The following NREP variants were observed in gnomAD, a reference collection of about 807,000 sequenced individuals.
NREP encodes neuronal regeneration related protein, also known as neuronal regeneration-related protein.
A neutral mutation model predicts 8.6 loss-of-function variants in NREP; 5 were observed. The observed-to-expected ratio is 0.58, with a 90% CI of 0.30 to 1.22. The LOEUF (loss-of-function observed/expected upper bound fraction) is 1.22, where lower values mean the gene tolerates loss of function less well. NREP is among the 50% of genes most tolerant of loss of function. The pLI is 0.07. For missense variants in NREP, 86 were observed against 82.5 expected, an observed-to-expected ratio of 1.04 and a Z score of -0.17; for synonymous variants, 27 against 28.0, an observed-to-expected ratio of 0.96 and a Z score of 0.11.
intron 2 of NREP, among the ~76,000 whole-genome samples, chr5:111,962,384 A>G (rs1756504572): frequency 6.6e-6 from 1 of 152,134 alleles, no homozygotes; most frequent in Admixed American, 6.5e-5. Flanking sequence ...CCAAACCCCC[A>G]TTCATCTACA....
intron 2 of NREP, among the ~76,000 whole-genome samples, chr5:111,832,396 T>A (rs922798279): frequency 1.3e-5 from 2 of 151,880 alleles, no homozygotes; most frequent in African/African-American, 4.8e-5. Context: ...TAGCTGGGGG[T>A]GGCATGAGCC....
intron 2 of NREP, among the ~76,000 whole-genome samples, chr5:111,803,095 T>C (rs944011113): frequency 6.6e-6 from 1 of 152,192 alleles, no homozygotes; most frequent in Non-Finnish European, 1.5e-5. Context: ...TTTAATATAA[T>C]GTTGGAGCAG....
intron 2 of NREP, among the ~76,000 whole-genome samples, chr5:111,850,634 A>G (rs1428940773): frequency 6.6e-6 from 1 of 151,892 alleles, no homozygotes; most frequent in Non-Finnish European, 1.5e-5. Flanking sequence ...TTCAAATGAC[A>G]GTTATATTCG....
chr5:111,757,805 G>A (rs1750830290), upstream of NREP: 3 of 971,494 alleles, frequency 3.1e-6, no homozygotes, highest in Non-Finnish European at 3.7e-6. Flanking sequence ...TCGACGTGCG[G>A]TTGCTTTTCA....
At chr5:111,841,754 G>C (rs1490640336) in intron 2 of NREP, among the ~76,000 whole-genome samples, 1 of 152,142 alleles carries the variant, frequency 6.6e-6, no homozygotes, top group Non-Finnish European at 1.5e-5. Context: ...AGAGGACTCA[G>C]TGATTTCGAA....
At chr5:111,790,085 T>C (rs897404597) in intron 2 of NREP, among the ~76,000 whole-genome samples, 3 of 152,032 alleles carry the variant, frequency 2.0e-5, no homozygotes, top group Admixed American at 6.6e-5. Context: ...ATAAAGACTA[T>C]GTTGATAGAA....
At chr5:111,922,399 C>T (rs997654540) in intron 2 of NREP, among the ~76,000 whole-genome samples, 1 of 152,128 alleles carries the variant, frequency 6.6e-6, no homozygotes, top group African/African-American at 2.4e-5. Flanking sequence ...AATACTGTTA[C>T]TACCTCAGAG....
At chr5:111,735,275 T>A (rs1212080014) in intron 3 of NREP, 155 bp downstream of exon 3, 1 of 508,048 alleles carries the variant, frequency 2.0e-6, no homozygotes, top group East Asian at 3.1e-5. Flanking sequence ...GGATATTTTT[T>A]AAAAGTACAT....
At chr5:111,779,832 C>T (rs1421259881) in intron 2 of NREP, among the ~76,000 whole-genome samples, 2 of 152,184 alleles carry the variant, frequency 1.3e-5, no homozygotes, top group Non-Finnish European at 2.9e-5. Context: ...TGAGAGAGGA[C>T]AAGAACATAG....
chr5:111,791,158 T>C (rs537019767), intron 2 of NREP, among the ~76,000 whole-genome samples: 81 of 152,356 alleles, frequency 5.3e-4, no homozygotes, highest in Non-Finnish European at 1.0e-3. Context: ...GTATGCACTG[T>C]GGAATCATTA....
In NREP at chr5:111,885,752, G is replaced by C. The variant is rs568911706; in HGVS notation, c.135+89522C>G. On this transcript the variant is annotated intron_variant, in intron 2 of 3. Coordinates refer to the NREP transcript ENST00000395634. Reference sequence around the variant, plus strand: ...TTCCCTATTTAATAAATGGTGCTGGGAAAACTGGCTAGCCATATGTAGAAA... The same window carrying C: ...TTCCCTATTTAATAAATGGTGCTGGCAAAACTGGCTAGCCATATGTAGAAA... Among the ~76,000 whole-genome samples, 297 of 152,286 alleles carry C rather than the reference G, an allele frequency of 2.0e-3. 3 individuals carry two copies. Among genetic ancestry groups the C allele is most frequent in the Non-Finnish European group, 3.0e-3 (201 of 68,022 alleles).
At chr5:111,826,335 A>G (rs547091846) in intron 2 of NREP, among the ~76,000 whole-genome samples, 3 of 152,146 alleles carry the variant, frequency 2.0e-5, no homozygotes, top group Non-Finnish European at 2.9e-5. Context: ...ACGCGTCACC[A>G]CTGGCAACCA....
At chr5:111,738,406 C>G (rs2112803955) in intron 2 of NREP, 1 of 152,306 alleles carries the variant, frequency 6.6e-6, no homozygotes, top group African/African-American at 2.4e-5. Context: ...GCCTTTCTGT[C>G]AAAAGCTGTC....
upstream of NREP, among the ~76,000 whole-genome samples, chr5:111,762,652 G>A (rs1750987659): frequency 6.6e-6 from 1 of 152,038 alleles, no homozygotes; most frequent in Admixed American, 6.5e-5. Flanking sequence ...ACCACACGAA[G>A]ATGTGGGAAG....
intron 2 of NREP, among the ~76,000 whole-genome samples, chr5:111,854,998 A>C (rs1672282284): frequency 1.3e-5 from 2 of 152,176 alleles, no homozygotes; most frequent in Admixed American, 6.5e-5. Flanking sequence ...ACCAATGTTT[A>C]TTCAGGTCAC....
intron 2 of NREP, among the ~76,000 whole-genome samples, chr5:111,773,885 C>G (rs1751295008): frequency 6.6e-6 from 1 of 152,102 alleles, no homozygotes; most frequent in African/African-American, 2.4e-5. Context: ...GGGCTTAGGG[C>G]AATCCCAAGA....
intron 2 of NREP, among the ~76,000 whole-genome samples, chr5:111,882,040 G>C (rs1041651997): frequency 2.6e-5 from 4 of 152,138 alleles, no homozygotes; most frequent in African/African-American, 9.7e-5. Context: ...CCGAGCTACA[G>C]GAGGAAATTC....
chr5:111,955,975 CT>C (rs773832549), intron 2 of NREP, among the ~76,000 whole-genome samples: 1 of 151,674 alleles, frequency 6.6e-6, no homozygotes, highest in Non-Finnish European at 1.5e-5. Context: ...CACCTAACCC[CT>C]GATTGGATAT....
chr5:111,779,658 C>A (rs140804226), intron 2 of NREP, among the ~76,000 whole-genome samples: 4 of 152,232 alleles, frequency 2.6e-5, no homozygotes, highest in African/African-American at 7.2e-5. Context: ...CCGTGAGAAC[C>A]AATATTCTTC....
Sources: allele counts gnomAD v4.1 joint callset (sites outside exome capture counted in the v4.1 genomes callset), GRCh38; gene constraint gnomAD v4.1.1; transcripts MANE v1.5; gene names NCBI Gene and HGNC (gene_info 2026-07-23, HGNC 2026-07-21).